CAB39L: variants seen among roughly 807,000 people sequenced by gnomAD.
CAB39L encodes calcium binding protein 39 like.
In CAB39L, 23 loss-of-function variants were observed where a neutral mutation model predicts 39.1. That is an observed-to-expected ratio of 0.59 (90% CI 0.42 to 0.83). The LOEUF (loss-of-function observed/expected upper bound fraction) is 0.83, where lower values mean the gene tolerates loss of function less well. Ranked by LOEUF, CAB39L falls within the 40% of genes least tolerant of loss-of-function variation. The pLI is 0.00. For synonymous variants in CAB39L, 126 were observed against 137.2 expected, an observed-to-expected ratio of 0.92 and a Z score of 0.57; for missense variants, 366 against 391.9, an observed-to-expected ratio of 0.93 and a Z score of 0.56.
At chr13:49,361,477 C>CAAAAAAAAAAAAAAAAA (rs33984866) in intron 5 of CAB39L, among the ~76,000 whole-genome samples, 12 of 54,440 alleles carry the variant, frequency 2.2e-4, no homozygotes, top group African/African-American at 4.0e-4. Flanking sequence ...GACTTCATCT[C>CAAAAAAAAAAAAAAAAA]AAAAAAAAAA....
intron 6 of CAB39L, among the ~76,000 whole-genome samples, chr13:49,358,914 A>G (rs1003350788): frequency 5.9e-5 from 9 of 152,270 alleles, no homozygotes; most frequent in African/African-American, 1.9e-4. Context: ...ATTTATTGAT[A>G]TATCTGATTT....
chr13:49,382,933 T>A lies in CAB39L; in HGVS notation c.-23A>T. ...CATGTGTAGAAATCTCTTCTTCCAATATGGAATGCTAAAAACAAATAAGCC... is the reference window on the plus strand; with the variant it reads ...CATGTGTAGAAATCTCTTCTTCCAAAATGGAATGCTAAAAACAAATAAGCC... On this transcript the variant is annotated 5_prime_UTR_variant, in exon 4 of 11. Transcript: ENST00000409308. The A allele has an allele frequency of 7.3e-7, 1 of 1,372,840 alleles. No homozygotes were observed. The highest frequency in any genetic ancestry group is 1.0e-6 in the Non-Finnish European group (1 of 974,296). 85.0% of individuals were successfully genotyped at this position (1,372,840 alleles called of 1,614,324 possible).
At chr13:49,373,953 CAT>C (rs1389937229) in intron 5 of CAB39L, among the ~76,000 whole-genome samples, 1 of 152,232 alleles carries the variant, frequency 6.6e-6, no homozygotes, top group Non-Finnish European at 1.5e-5. Context: ...ATAGAGATAA[CAT>C]AGTACATTTC....
intron 5 of CAB39L, among the ~76,000 whole-genome samples, chr13:49,370,836 T>C (rs1955898032): frequency 6.6e-6 from 1 of 152,212 alleles, no homozygotes. Flanking sequence ...CCATAAATTA[T>C]ATTCCTTTAT....
At chr13:49,412,957 G>A (rs933186029) in intron 3 of CAB39L, 5 of 152,192 alleles carry the variant, frequency 3.3e-5, no homozygotes, top group African/African-American at 1.2e-4. Context: ...GACAGGTACA[G>A]GTCTGCAGCC....
At chr13:49,341,144 A>G (rs1157713499) in intron 8 of CAB39L, among the ~76,000 whole-genome samples, 1 of 152,258 alleles carries the variant, frequency 6.6e-6, no homozygotes, top group East Asian at 1.9e-4. Context: ...TAAATGTGAC[A>G]TCTAATGAAT....
intron 1 of CAB39L, 122 bp downstream of exon 1, chr13:49,443,864 A>C: frequency 2.2e-6 from 1 of 451,554 alleles, no homozygotes; most frequent in South Asian, 1.6e-5. Flanking sequence ...CTCCTCCCTT[A>C]GGCCTCTCCT....
intron 3 of CAB39L, among the ~76,000 whole-genome samples, chr13:49,428,309 G>A (rs556165743): frequency 1.3e-5 from 2 of 152,204 alleles, no homozygotes; most frequent in East Asian, 3.8e-4. Flanking sequence ...AGAGGCTTTG[G>A]TTCTTTGCTG....
intron 3 of CAB39L, among the ~76,000 whole-genome samples, chr13:49,404,606 T>C (rs1314789694): frequency 2.6e-5 from 4 of 152,270 alleles, no homozygotes; most frequent in African/African-American, 7.2e-5. Flanking sequence ...CAGTGACCAA[T>C]TCTGGAATGA....
At chr13:49,311,096 G>T in intron 10 of CAB39L, 103 bp from the exon 11 acceptor site, 1 of 928,816 alleles carries the variant, frequency 1.1e-6, no homozygotes, top group Non-Finnish European at 1.7e-6. Context: ...CGCGTTTCAT[G>T]CGTGACTGAT....
chr13:49,380,118 C>A (rs967432301), intron 4 of CAB39L, among the ~76,000 whole-genome samples: 1 of 152,186 alleles, frequency 6.6e-6, no homozygotes, highest in African/African-American at 2.4e-5. Flanking sequence ...GGATTACAGG[C>A]GTGAGCCACT....
rs1271489499 is a variant in CAB39L at position 49,329,539 on chromosome 13, AAAAAAATAT to A, written c.834+2399_834+2407del. 3.6e-4 allele frequency among the ~76,000 whole-genome samples: 13 copies of A among 36,242 alleles called. 1 individual carries two copies. The highest frequency in any genetic ancestry group is 1.9e-3 in the African/African-American group (12 of 6,204). The allele number at this position is 36,242 out of a possible 152,430, so 23.8% of individuals were successfully genotyped here. A position where few individuals can be genotyped will look rare whatever the true frequency, so the allele number is the denominator to read the frequency against. ...GTCCTACATATCTCTTCAATTAAAA[AAAAAAATAT>A]ATATATATATATATATATATATATA... On this transcript the variant is annotated intron_variant, in intron 10 of 10. Coordinates refer to ENST00000409308, the MANE Select transcript of CAB39L (RefSeq NM_001079670.3).
intron 10 of CAB39L, among the ~76,000 whole-genome samples, chr13:49,325,184 A>G (rs1954461774): frequency 6.6e-6 from 1 of 152,242 alleles, no homozygotes; most frequent in African/African-American, 2.4e-5. Flanking sequence ...AAAAATAGAA[A>G]GGAGAAGTGA....
chr13:49,418,597 T>G (rs760801868), intron 3 of CAB39L, among the ~76,000 whole-genome samples: 10 of 152,216 alleles, frequency 6.6e-5, no homozygotes, highest in Non-Finnish European at 1.2e-4. Flanking sequence ...AGACACAGTC[T>G]CGCTCTTGTC....
At chr13:49,362,782 A>C (rs561345261) in intron 5 of CAB39L, among the ~76,000 whole-genome samples, 1 of 152,182 alleles carries the variant, frequency 6.6e-6, no homozygotes, top group Non-Finnish European at 1.5e-5. Context: ...AAACCAAAGA[A>C]GACTACTTCA....
rs71078844 is a variant in CAB39L, at chr13:49,442,787, CAAAA to C, written c.-246+1195_-246+1198del. ...GCATAGGCGACAAGAGACTCCATCTCAAAAAAAAAAAAAAAAAAAAAAAAAAAAA... is the reference window on the plus strand; with the variant it reads ...GCATAGGCGACAAGAGACTCCATCTCAAAAAAAAAAAAAAAAAAAAAAAAA... On this transcript the variant is annotated intron_variant, in intron 1 of 10. Transcript: ENST00000409308. 5.2e-3 allele frequency among the ~76,000 whole-genome samples: 540 copies of C among 103,342 alleles called. 1 individual carries two copies. Among genetic ancestry groups the C allele is most frequent in the African/African-American group, 0.026 (505 of 19,100 alleles). The allele number at this position is 103,342 out of a possible 152,430, so 67.8% of individuals were successfully genotyped here.
intron 3 of CAB39L, among the ~76,000 whole-genome samples, chr13:49,421,986 C>T (rs1233558746): frequency 6.6e-6 from 1 of 151,992 alleles, no homozygotes; most frequent in Admixed American, 6.6e-5. Flanking sequence ...AGAGATATAC[C>T]ATTTGTTTGA....
intron 3 of CAB39L, among the ~76,000 whole-genome samples, chr13:49,421,558 G>A (rs1957171531): frequency 1.3e-5 from 2 of 152,098 alleles, no homozygotes; most frequent in Admixed American, 1.3e-4. Flanking sequence ...CCGACTGCAG[G>A]AGTGGTGCCA....
chr13:49,332,546 A>G (rs1954737980), intron 9 of CAB39L, among the ~76,000 whole-genome samples: 1 of 152,170 alleles, frequency 6.6e-6, no homozygotes, highest in Non-Finnish European at 1.5e-5. Flanking sequence ...CCTGACTTTT[A>G]TTATAAAACC....
Sources: gnomAD v4.1 joint callset for allele counts (sites outside exome capture counted in the v4.1 genomes callset) on GRCh38, gnomAD v4.1.1 for gene constraint, MANE v1.5 for transcripts, NCBI Gene and HGNC (gene_info 2026-07-23, HGNC 2026-07-21) for gene names.